GALNTL6: variants seen among roughly 807,000 people sequenced by gnomAD.
The protein encoded by GALNTL6 is polypeptide N-acetylgalactosaminyltransferase like 6, also known as polypeptide N-acetylgalactosaminyltransferase-like 6.
A neutral mutation model predicts 73.7 loss-of-function variants in GALNTL6; 46 were observed. The ratio of observed to expected loss-of-function variants is 0.62; its 90% CI spans 0.49 to 0.80. GALNTL6 has a LOEUF of 0.80. GALNTL6 is among the 30% of genes least tolerant of loss of function. The pLI, the probability that GALNTL6 is intolerant of heterozygous loss-of-function variation, is 0.00. For missense variants in GALNTL6, 604 were observed against 755.0 expected (o/e 0.80, Z 2.34); for synonymous variants, 259 against 263.7 (o/e 0.98, Z 0.17).
chr4:172,467,844 T>TTCTG (rs1554027346), intron 5 of GALNTL6, among the ~76,000 whole-genome samples: 3 of 150,256 alleles, frequency 2.0e-5, no homozygotes, highest in Admixed American at 6.7e-5. Flanking sequence ...CTTTCTTTCT[T>TTCTG]TCTTTCTTTC....
At chr4:172,775,987 GGGA>G (rs1739050751) in intron 5 of GALNTL6, among the ~76,000 whole-genome samples, 1 of 152,246 alleles carries the variant, frequency 6.6e-6, no homozygotes, top group South Asian at 2.1e-4. Context: ...GAGTGAGGTA[GGGA>G]GGAGAATCAT....
At chr4:172,078,716 A>G (rs1471369325) in intron 2 of GALNTL6, among the ~76,000 whole-genome samples, 1 of 152,166 alleles carries the variant, frequency 6.6e-6, no homozygotes, top group Non-Finnish European at 1.5e-5. Context: ...AATATAGTCA[A>G]TGTTGATTCA....
chr4:172,023,008 C>A (rs1741450818), intron 2 of GALNTL6, among the ~76,000 whole-genome samples: 1 of 151,946 alleles, frequency 6.6e-6, no homozygotes, highest in African/African-American at 2.4e-5. Context: ...CATATAAAGT[C>A]ATTTAAATTT....
chr4:172,101,529 T>C (rs932590090), intron 2 of GALNTL6, among the ~76,000 whole-genome samples: 1 of 152,220 alleles, frequency 6.6e-6, no homozygotes, highest in African/African-American at 2.4e-5. Flanking sequence ...TTATTCAAGA[T>C]CACCTACATT....
chr4:172,709,840 G>T (rs147160141), intron 5 of GALNTL6, among the ~76,000 whole-genome samples: 1 of 81,078 alleles, frequency 1.2e-5, no homozygotes, highest in Admixed American at 1.3e-4. Context: ...GGTGTAGATC[G>T]ATAGATTTGA....
At chr4:172,137,200 A>G (rs1214683350) in intron 2 of GALNTL6, among the ~76,000 whole-genome samples, 1 of 152,142 alleles carries the variant, frequency 6.6e-6, no homozygotes, top group African/African-American at 2.4e-5. Flanking sequence ...TAATACTTAT[A>G]TAAATTTAAT....
intron 5 of GALNTL6, among the ~76,000 whole-genome samples, chr4:172,692,290 A>AT (rs1307166037): frequency 3.9e-5 from 6 of 152,128 alleles, no homozygotes; most frequent in African/African-American, 1.4e-4. Context: ...TTTTGCAATT[A>AT]TAACTATCTC....
At chr4:172,829,267 C>A (rs1370029735) in intron 7 of GALNTL6, among the ~76,000 whole-genome samples, 1 of 152,174 alleles carries the variant, frequency 6.6e-6, no homozygotes. Flanking sequence ...AGCGTGTCTG[C>A]CTGTTCCTGG....
At chr4:172,086,012 G>T (rs1732022800) in intron 2 of GALNTL6, among the ~76,000 whole-genome samples, 1 of 152,016 alleles carries the variant, frequency 6.6e-6, no homozygotes, top group Admixed American at 6.5e-5. Context: ...CCCAAACTCA[G>T]ATTATTACAC....
At chr4:172,000,587 A>G (rs1740646282) in intron 2 of GALNTL6, among the ~76,000 whole-genome samples, 1 of 152,132 alleles carries the variant, frequency 6.6e-6, no homozygotes, top group Admixed American at 6.6e-5. Flanking sequence ...TGCATAAGGG[A>G]CCAGTCTGCA....
At chr4:172,887,964 T>G (rs1003784898) in intron 8 of GALNTL6, among the ~76,000 whole-genome samples, 5 of 152,244 alleles carry the variant, frequency 3.3e-5, no homozygotes, top group African/African-American at 1.2e-4. Context: ...ATGTTGAGCA[T>G]GTATCAATAT....
intron 5 of GALNTL6, among the ~76,000 whole-genome samples, chr4:172,672,279 T>G (rs2111207887): frequency 6.6e-6 from 1 of 152,366 alleles, no homozygotes; most frequent in Non-Finnish European, 1.5e-5. Context: ...ATGTGGTTTT[T>G]GTTTTAGTTC....
chr4:172,161,037 A>T (rs1734448084), intron 2 of GALNTL6, among the ~76,000 whole-genome samples: 1 of 151,888 alleles, frequency 6.6e-6, no homozygotes, highest in African/African-American at 2.4e-5. Flanking sequence ...TGTAATAATC[A>T]ATGGAGGGAC....
chr4:172,379,534 C>A (rs1382786423), intron 5 of GALNTL6, among the ~76,000 whole-genome samples: 5 of 4,676 alleles, frequency 1.1e-3, no homozygotes, highest in Non-Finnish European at 8.1e-3. Flanking sequence ...GAGACTCCGT[C>A]TCAAAAAAAA....
intron 8 of GALNTL6, among the ~76,000 whole-genome samples, chr4:172,887,552 A>ATTTG (rs1163255611): frequency 1.3e-5 from 2 of 149,032 alleles, no homozygotes; most frequent in African/African-American, 5.0e-5. Context: ...TTATTTATTT[A>ATTTG]TTTATTTATT....
At chr4:172,972,493 G>A (rs1015492808) in intron 10 of GALNTL6, among the ~76,000 whole-genome samples, 12 of 152,090 alleles carry the variant, frequency 7.9e-5, no homozygotes, top group Non-Finnish European at 1.0e-4. Context: ...AGCTACTTTC[G>A]GAAAATAGCC....
At chr4:172,155,782 A>AT (rs1198030999) in intron 2 of GALNTL6, among the ~76,000 whole-genome samples, 2 of 152,094 alleles carry the variant, frequency 1.3e-5, no homozygotes, top group African/African-American at 4.8e-5. Flanking sequence ...CTCTTCGCTT[A>AT]TTTTTTGAAT....
intron 2 of GALNTL6, among the ~76,000 whole-genome samples, chr4:171,825,200 T>C (rs948042594): frequency 2.5e-4 from 38 of 152,160 alleles, no homozygotes; most frequent in African/African-American, 8.7e-4. Context: ...TTTAACGTTG[T>C]TGTTTTGGTT....
At chr4:171,996,723 CA>C (rs35734964) in intron 2 of GALNTL6, among the ~76,000 whole-genome samples, 59,728 of 93,980 alleles carry the variant, frequency 0.64, 17,349 homozygotes, top group Admixed American at 0.74. Context: ...AGCTGACGAG[CA>C]AAAAAAAAAA....
Sources: gnomAD v4.1 joint callset for allele counts (sites outside exome capture counted in the v4.1 genomes callset) on GRCh38, gnomAD v4.1.1 for gene constraint, MANE v1.5 for transcripts, NCBI Gene and HGNC (gene_info 2026-07-23, HGNC 2026-07-21) for gene names.